The following USP36 variants were observed in gnomAD, a reference collection of about 807,000 sequenced individuals.
USP36 encodes the protein ubiquitin specific peptidase 36.
A neutral mutation model predicts 111.5 loss-of-function variants in USP36; 59 were observed. The ratio of observed to expected loss-of-function variants is 0.53; its 90% CI spans 0.43 to 0.66. The LOEUF (loss-of-function observed/expected upper bound fraction) is 0.66, where lower values mean the gene tolerates loss of function less well. USP36 is among the 30% of genes least tolerant of loss of function. The probability of loss-of-function intolerance (pLI) is 0.00; values close to 1 mark genes in which losing one functional copy is unlikely to be tolerated. For synonymous variants in USP36, 628 were observed against 581.0 expected, an observed-to-expected ratio of 1.08 and a Z score of -1.16; for missense variants, 1,488 against 1,468.0, an observed-to-expected ratio of 1.01 and a Z score of -0.22.
intron 3 of USP36, among the ~76,000 whole-genome samples, chr17:78,835,734 A>G (rs1412338876): frequency 6.6e-6 from 1 of 152,162 alleles, no homozygotes; most frequent in Non-Finnish European, 1.5e-5. Context: ...GCCCCTCTAT[A>G]GATGGAGGAC....
In USP36 at chr17:78,807,216, A is replaced by G. The variant is rs1599001815; in HGVS notation, c.1828T>C (p.Ser610Pro). The change falls in exon 14 of 21, where the codon TCC (serine) becomes CCC (proline). Residue 610 changes from serine to proline, a missense_variant. Around this residue, in one of 3 missense-constraint regions of USP36, gnomAD observed 1,073 missense variants for 994.1 expected, o/e 1.08. Coordinates refer to ENST00000449938, the MANE Select transcript of USP36 (RefSeq NM_001385174.1). ...DESAGLDRRG[S>P]SSSSPEHSAS... Reference sequence around the variant, plus strand: ...GAGTGCTCTGGGCTGGAGCTGCTGGAGCCCCTCCTGTCGAGGCCAGCGCTC... The same window carrying G: ...GAGTGCTCTGGGCTGGAGCTGCTGGGGCCCCTCCTGTCGAGGCCAGCGCTC... 6.2e-7 allele frequency: 1 copy of G among 1,613,958 alleles called. No individual in the cohort carries two copies. The highest frequency in any genetic ancestry group is 8.5e-7 in the Non-Finnish European group (1 of 1,179,976).
intron 18 of USP36, 92 bp downstream of exon 18, chr17:78,799,575 A>G (rs2093689375): frequency 1.5e-5 from 17 of 1,167,866 alleles, no homozygotes; most frequent in South Asian, 3.9e-5. Flanking sequence ...CGCCCGCCAC[A>G]CTCACAGTGC....
chr17:78,835,435 G>A lies in USP36; in HGVS notation c.320C>T (p.Thr107Met), dbSNP rs201961301. ...VPAPQKVLFPTERLSLRWERV... is the reference protein window; with the variant it reads ...VPAPQKVLFPMERLSLRWERV... ...CTCCCACCTCAGAGACAGTCGCTCC[G>A]TGGGGAAAAGCACTTTCTGCGGGGC... The change falls in exon 4 of 21, where the codon ACG becomes ATG. Residue 107 changes from threonine to methionine, a missense_variant. By Grantham distance (81) the Thr-to-Met change is moderately conservative (BLOSUM62 -1). Around this residue, in one of 3 missense-constraint regions of USP36, gnomAD observed 219 missense variants for 209.5 expected, o/e 1.05. Transcript: ENST00000449938. 288 of 1,614,130 alleles carry A rather than the reference G, an allele frequency of 1.8e-4. No individual in the cohort carries two copies. Among genetic ancestry groups the A allele is most frequent in the Middle Eastern group, 6.6e-4 (4 of 6,062 alleles).
At chr17:78,800,720 G>A (rs2093719491) in intron 17 of USP36, among the ~76,000 whole-genome samples, 1 of 152,162 alleles carries the variant, frequency 6.6e-6, no homozygotes. Flanking sequence ...CTCTCCTCAG[G>A]TGCACAGGAC....
chr17:78,840,364 C>G (rs918106409), intron 1 of USP36: 2 of 152,552 alleles, frequency 1.3e-5, no homozygotes, highest in African/African-American at 2.4e-5. Context: ...GCTCTGCGGC[C>G]GCACGCGACG....
At chr17:78,820,867 C>G in intron 8 of USP36, 124 bp downstream of exon 8, 1 of 1,014,196 alleles carries the variant, frequency 9.9e-7, no homozygotes, top group Admixed American at 2.0e-5. Flanking sequence ...TGCAAGGCGG[C>G]AGGGAGCAAA....
rs1182242619 is a variant in USP36 at position 78,835,367 on chromosome 17, T to C, written c.388A>G (p.Thr130Ala). The C allele has an allele frequency of 2.5e-6, 4 of 1,614,094 alleles. No homozygotes were observed. Among genetic ancestry groups the C allele is most frequent in the African/African-American group, 1.3e-5 (1 of 74,924 alleles). ...VGAGLHNLGN[T>A]CFLNATIQCL... ...TGGATGGTGGCATTGAGAAAGCAGGTGTTGCCAAGGTTGTGGAGTCCTGCG... is the reference window on the plus strand; with the variant it reads ...TGGATGGTGGCATTGAGAAAGCAGGCGTTGCCAAGGTTGTGGAGTCCTGCG... Residue 130 changes from threonine to alanine, a missense_variant, in exon 4 of 21, where the codon ACC (threonine) becomes GCC (alanine). Coordinates refer to ENST00000449938, the MANE Select transcript of USP36 (RefSeq NM_001385174.1).
At chr17:78,801,358 C>T (rs529629318) in intron 17 of USP36, among the ~76,000 whole-genome samples, 2 of 152,310 alleles carry the variant, frequency 1.3e-5, no homozygotes, top group South Asian at 4.1e-4. Flanking sequence ...TATTTCATAC[C>T]ATTTCATTTT....
At position 78,827,338 on chromosome 17, in the gene USP36, C is replaced by T. The variant is rs139495407; in HGVS notation, c.596G>A (p.Arg199Gln). The T allele has an allele frequency of 2.5e-4, 397 of 1,611,686 alleles. 1 individual carries two copies. The highest frequency in any genetic ancestry group is 3.0e-4 in the Non-Finnish European group (356 of 1,178,248). Residue 199 changes from arginine to glutamine, a missense_variant, in exon 6 of 21, where the codon CGA (arginine) becomes CAA (glutamine). Transcript: ENST00000449938. ...SFIRDLKKIARHFRFGNQEDA... is the reference protein window; with the variant it reads ...SFIRDLKKIAQHFRFGNQEDA... ...CTCCTGGTTCCCAAAGCGGAAGTGT[C>T]GGGCGATCTCTAAAAGAGGAAGAAA...
chr17:78,818,535 T>C (rs2094241258), intron 10 of USP36, 132 bp downstream of exon 10: 4 of 758,004 alleles, frequency 5.3e-6, no homozygotes, highest in South Asian at 1.7e-5. Context: ...ACAATATGTG[T>C]AGAACCTTTA....
intron 17 of USP36, 64 bp downstream of exon 17, chr17:78,802,260 C>T (rs1229286100): frequency 3.3e-5 from 48 of 1,470,880 alleles, no homozygotes; most frequent in African/African-American, 2.8e-5. Flanking sequence ...CACACCCATG[C>T]GGTCCCCCAA....
chr17:78,815,876 TACATACATGCACAAC>T (rs1352301477), intron 10 of USP36, among the ~76,000 whole-genome samples: 4 of 152,092 alleles, frequency 2.6e-5, no homozygotes, highest in Admixed American at 1.3e-4. Context: ...TGTACGCATA[TACATACATGCACAAC>T]ACATACATGC....
At position 78,836,163 on chromosome 17, in the gene USP36, T is replaced by C; in HGVS notation, c.201A>G (p.Thr67=). ...CACTCTTGTGGCGACTAGCTCCCTC[T>C]GTTTTGGGGTTGAGCAACACATATT... The part of the protein sequence containing the change: ...KSKYVLLNPK[T]EGASRHKSGD... Residue 67 remains threonine (T), a synonymous_variant, in exon 3 of 21, where the codon ACA becomes ACG. Coordinates refer to ENST00000449938, the MANE Select transcript of USP36 (RefSeq NM_001385174.1). 6.2e-7 allele frequency: 1 copy of C among 1,614,098 alleles called. No homozygotes were observed.
In USP36 at chr17:78,803,535, C is replaced by T. The variant is rs61760231; in HGVS notation, c.2660G>A (p.Arg887Gln). The change falls in exon 16 of 21, where the codon CGG (arginine) becomes CAG (glutamine). Residue 887 changes from arginine to glutamine, a missense_variant. Physicochemically the swap from Arg to Gln is conservative, Grantham distance 43. Coordinates refer to ENST00000449938, the MANE Select transcript of USP36 (RefSeq NM_001385174.1). The surrounding 1 kb of genome is among the most constrained non-coding windows in gnomAD (Gnocchi z 4.6). Reference sequence around the variant, plus strand: ...CTGTGGCTGTGTGCCATCTTCCTGCCGTCTGACAGCGGGCAGCTGTGCCTG... The same window carrying T: ...CTGTGGCTGTGTGCCATCTTCCTGCTGTCTGACAGCGGGCAGCTGTGCCTG... ...EGQAQLPAVRRQEDGTQPQVN... is the reference protein window; with the variant it reads ...EGQAQLPAVRQQEDGTQPQVN... 70 of 1,613,758 alleles carry T rather than the reference C, an allele frequency of 4.3e-5. No individual in the cohort carries two copies. In the East Asian group the frequency reaches 9.1e-4, roughly 21 times the overall value.
At chr17:78,805,907 C>T (rs963905000) in intron 15 of USP36, among the ~76,000 whole-genome samples, 1 of 152,202 alleles carries the variant, frequency 6.6e-6, no homozygotes, top group Non-Finnish European at 1.5e-5. Flanking sequence ...AGACAGACCA[C>T]CAACAAAGAC....
At chr17:78,809,719 G>C (rs544970247) in intron 13 of USP36, among the ~76,000 whole-genome samples, 18 of 152,072 alleles carry the variant, frequency 1.2e-4, no homozygotes, top group Non-Finnish European at 1.9e-4. Context: ...GCAGCCTTGT[G>C]TTTAAGTGAT....
intron 17 of USP36, among the ~76,000 whole-genome samples, chr17:78,800,360 C>G (rs535943272): frequency 6.6e-6 from 1 of 152,244 alleles, no homozygotes; most frequent in East Asian, 1.9e-4. Flanking sequence ...CCAGGGGGAA[C>G]CTGGTCCCCA....
At chr17:78,802,854 C>G (rs1351635523) in intron 16 of USP36, among the ~76,000 whole-genome samples, 1 of 152,200 alleles carries the variant, frequency 6.6e-6, no homozygotes, top group Non-Finnish European at 1.5e-5. Flanking sequence ...CCTTGAACGG[C>G]CCTGCACATA....
chr17:78,799,004 C>G lies in USP36; in HGVS notation c.3144G>C (p.Lys1048Asn), dbSNP rs1024610023. The change falls in exon 19 of 21, where the codon AAG becomes AAC. Residue 1048 changes from lysine (K) to asparagine (N), a missense_variant. Lys to Asn is a moderately conservative substitution (Grantham distance 94). Coordinates refer to ENST00000449938, the MANE Select transcript of USP36 (RefSeq NM_001385174.1). ...YGRKVLTWDG[K>N]MSAVSQDAIE... ...TAGCATCCTGACTGACCGCCGACAT[C>G]TTGCCATCCCAGGTCAGAACTACCA... 6.2e-7 allele frequency: 1 copy of G among 1,614,118 alleles called. No homozygotes were observed. The highest frequency in any genetic ancestry group is 1.3e-5 in the African/African-American group (1 of 75,070).
Sources: gnomAD v4.1 joint callset for allele counts (sites outside exome capture counted in the v4.1 genomes callset) on GRCh38, gnomAD v4.1.1 for gene constraint, gnomAD v4.1.1 regional missense constraint, Gnocchi (gnomAD v3.1) non-coding constraint, MANE v1.5 for transcripts, NCBI Gene and HGNC (gene_info 2026-07-23, HGNC 2026-07-21) for gene names.